SNX30: variants seen among roughly 807,000 people sequenced by gnomAD.
SNX30 encodes the protein sorting nexin family member 30, also known as sorting nexin-30.
A neutral mutation model predicts 46.4 loss-of-function variants in SNX30; 24 were observed. The ratio of observed to expected loss-of-function variants is 0.52; its 90% CI spans 0.37 to 0.73. SNX30 has a LOEUF of 0.73. SNX30 is among the 30% of genes least tolerant of loss of function. SNX30 has a pLI of 0.00. For missense variants in SNX30, 533 were observed against 555.7 expected (o/e 0.96, Z 0.41); for synonymous variants, 189 against 211.5 (o/e 0.89, Z 0.92).
chr9:112,865,757 G>A (rs112787613), intron 8 of SNX30, among the ~76,000 whole-genome samples: 8 of 146,382 alleles, frequency 5.5e-5, no homozygotes, highest in East Asian at 2.0e-4. Flanking sequence ...GTGTGTGTGT[G>A]TGTATGTATG....
At chr9:112,836,659 G>GT (rs1405417035) in intron 5 of SNX30, among the ~76,000 whole-genome samples, 1 of 152,222 alleles carries the variant, frequency 6.6e-6, no homozygotes, top group Non-Finnish European at 1.5e-5. Flanking sequence ...GATTCGCCAG[G>GT]TGTTTCCTCT....
At chr9:112,826,020 T>C (rs1245600524) in intron 3 of SNX30, among the ~76,000 whole-genome samples, 1 of 152,206 alleles carries the variant, frequency 6.6e-6, no homozygotes, top group East Asian at 1.9e-4. Flanking sequence ...TGATGAAACA[T>C]AAGTTCAATT....
chr9:112,825,960 T>C (rs1840573816), intron 3 of SNX30, among the ~76,000 whole-genome samples: 1 of 152,206 alleles, frequency 6.6e-6, no homozygotes, highest in Non-Finnish European at 1.5e-5. Flanking sequence ...GAAATTCTGC[T>C]TGCAGAAGGA....
intron 1 of SNX30, among the ~76,000 whole-genome samples, chr9:112,786,112 CTG>C (rs1839919731): frequency 9.2e-6 from 1 of 109,080 alleles, no homozygotes; most frequent in Admixed American, 1.3e-4. Context: ...CATGTAGGAG[CTG>C]TCCTTTTTTT....
At chr9:112,793,174 T>G (rs922427567) in intron 1 of SNX30, among the ~76,000 whole-genome samples, 1 of 152,236 alleles carries the variant, frequency 6.6e-6, no homozygotes, top group Non-Finnish European at 1.5e-5. Flanking sequence ...TAGCATTGTC[T>G]TAGATCCATA....
At position 112,809,902 on chromosome 9, in the gene SNX30, G is replaced by A. The variant is rs543396569; in HGVS notation, c.348+4935G>A. On this transcript the variant is annotated intron_variant, in intron 2 of 8. Transcript: ENST00000374232. The stretch of plus-strand genomic sequence containing the variant: ...TTGGACTGCTGCTGTTTTTAAGGAT[G>A]AAAGAGACTTGTTTAACTGCCAGTT... 3.3e-5 allele frequency among the ~76,000 whole-genome samples: 5 copies of A among 152,140 alleles called. No homozygotes were observed. The East Asian group carries it at 9.7e-4, about 29-fold the overall frequency.
intron 6 of SNX30, among the ~76,000 whole-genome samples, chr9:112,840,355 A>T (rs1249087104): frequency 6.6e-6 from 1 of 152,252 alleles, no homozygotes; most frequent in Non-Finnish European, 1.5e-5. Flanking sequence ...ATTGACTTTT[A>T]TTAAAAAAAA....
intron 1 of SNX30, among the ~76,000 whole-genome samples, chr9:112,804,109 G>A (rs1840183026): frequency 6.6e-6 from 1 of 151,124 alleles, no homozygotes; most frequent in South Asian, 2.1e-4. Flanking sequence ...CGTCGCTCAC[G>A]CTGGGAGCTG....
At chr9:112,774,620 G>C (rs1023835804) in intron 1 of SNX30, among the ~76,000 whole-genome samples, 1 of 152,050 alleles carries the variant, frequency 6.6e-6, no homozygotes, top group Non-Finnish European at 1.5e-5. Context: ...TCAAGACTTG[G>C]TATTGTCAAC....
intron 3 of SNX30, among the ~76,000 whole-genome samples, chr9:112,827,148 A>G (rs1840590654): frequency 7.2e-5 from 11 of 152,216 alleles, no homozygotes; most frequent in Admixed American, 6.5e-4. Context: ...CAAGGTTTAA[A>G]TGAACACTGG....
At chr9:112,875,449 A>C (rs1228490744), downstream of SNX30, among the ~76,000 whole-genome samples, 1 of 152,272 alleles carries the variant, frequency 6.6e-6, no homozygotes. Context: ...GACTGCAGTC[A>C]TACAAAATAA....
Position 112,788,375 on chromosome 9 carries a change from G to C in SNX30, c.157-16401G>C, listed in dbSNP as rs1279098021. On this transcript the variant is annotated intron_variant, in intron 1 of 8. Transcript: ENST00000374232. ...ATGCAGAGTGCACTCCGCGTGTGTA[G>C]TACCATGTCAGATGGTAGCACAGAA... is the stretch of plus-strand genomic sequence containing the variant. Among the ~76,000 whole-genome samples the C allele has an allele frequency of 2.0e-5, 3 of 152,172 alleles. No individual in the cohort carries two copies. In the South Asian group the frequency reaches 6.2e-4, roughly 31 times the overall value.
Position 112,759,653 on chromosome 9 carries a change from G to A in SNX30, c.156+8496G>A, listed in dbSNP as rs140042375. ...CTGAGGCAGGAGAATCGCTTGAACC[G>A]GGGAGGTGGAGGTTGCAGTGAGCTG... On this transcript the variant is annotated intron_variant, in intron 1 of 8. Transcript: ENST00000374232. 3.6e-3 allele frequency among the ~76,000 whole-genome samples: 542 copies of A among 151,902 alleles called. 4 individuals are homozygous for A. Among genetic ancestry groups the A allele is most frequent in the African/African-American group, 0.013 (523 of 41,424 alleles).
At chr9:112,862,131 G>T (rs576167275) in intron 7 of SNX30, among the ~76,000 whole-genome samples, 6 of 152,206 alleles carry the variant, frequency 3.9e-5, no homozygotes, top group African/African-American at 1.2e-4. Flanking sequence ...ACCCACAGCC[G>T]TGGTTTAGAC....
At chr9:112,845,692 G>A (rs1248914468) in intron 6 of SNX30, among the ~76,000 whole-genome samples, 4 of 152,202 alleles carry the variant, frequency 2.6e-5, no homozygotes, top group African/African-American at 4.8e-5. Flanking sequence ...GCCAAGAGAA[G>A]TGACCCACAG....
chr9:112,751,096 C>G lies in SNX30; in HGVS notation c.95C>G (p.Ala32Gly), dbSNP rs1272449363. 2.0e-6 allele frequency: 3 copies of G among 1,517,562 alleles called. No individual in the cohort carries two copies. Among genetic ancestry groups the G allele is most frequent in the African/African-American group, 1.4e-5 (1 of 70,882 alleles). 94.0% of individuals were successfully genotyped at this position (1,517,562 alleles called of 1,614,324 possible). Residue 32 changes from alanine (A) to glycine (G), a missense_variant, in exon 1 of 9, where the codon GCC becomes GGC. This residue lies in a region of SNX30 where 191 missense variants were observed against 160.3 expected (regional missense o/e 1.19). Coordinates refer to ENST00000374232, the MANE Select transcript of SNX30 (RefSeq NM_001012994.2). ...HPLAGSSSEE[A>G]VGGDSTPSPD... ...CTGGCCGGCTCCAGCAGCGAGGAGG[C>G]CGTGGGTGGTGACAGCACGCCCAGC...
chr9:112,818,827 C>A (rs371849641), intron 3 of SNX30, among the ~76,000 whole-genome samples: 1 of 152,176 alleles, frequency 6.6e-6, no homozygotes, highest in Non-Finnish European at 1.5e-5. Flanking sequence ...AAAAGAGCCA[C>A]GTTGCCAGTA....
chr9:112,804,825 C>T lies in SNX30; in HGVS notation c.206C>T (p.Ala69Val). 6.2e-7 allele frequency: 1 copy of T among 1,613,818 alleles called. No individual in the cohort carries two copies. Among genetic ancestry groups the T allele is most frequent in the Non-Finnish European group, 8.5e-7 (1 of 1,179,798 alleles). Residue 69 changes from alanine (A) to valine (V), a missense_variant, in exon 2 of 9, where the codon GCT (alanine) becomes GTT (valine). Around this residue, in one of 3 missense-constraint regions of SNX30, gnomAD observed 191 missense variants for 160.3 expected, o/e 1.19. Coordinates refer to ENST00000374232, the MANE Select transcript of SNX30 (RefSeq NM_001012994.2). ...ACTCCAGCAGGTACTTCAAGTCCAG[C>T]TTCTTCATCTTCCCTTCTCAACAGA... Reference protein sequence around the residue: ...GGTPAGTSSPASSSSLLNRLQ... With the variant: ...GGTPAGTSSPVSSSSLLNRLQ...
intron 1 of SNX30, among the ~76,000 whole-genome samples, chr9:112,752,944 T>G (rs901967738): frequency 1.3e-5 from 2 of 152,166 alleles, no homozygotes; most frequent in Admixed American, 1.3e-4. Flanking sequence ...ATAGGGCTGT[T>G]TGATGTGGCA....
Sources: gnomAD v4.1 joint callset for allele counts (sites outside exome capture counted in the v4.1 genomes callset) on GRCh38, gnomAD v4.1.1 for gene constraint, gnomAD v4.1.1 regional missense constraint, MANE v1.5 for transcripts, NCBI Gene and HGNC (gene_info 2026-07-23, HGNC 2026-07-21) for gene names.